The following GTF2A2 variants were observed in gnomAD, a reference collection of about 807,000 sequenced individuals.
GTF2A2 encodes general transcription factor IIA subunit 2, also known as transcription initiation factor IIA subunit 2.
Under a neutral mutation model 14.3 loss-of-function variants are expected in GTF2A2, and 9 were observed. The ratio of observed to expected loss-of-function variants is 0.63; its 90% CI spans 0.38 to 1.10. The LOEUF (loss-of-function observed/expected upper bound fraction) is 1.10, where lower values mean the gene tolerates loss of function less well. Ranked by LOEUF, GTF2A2 falls within the 50% of genes least tolerant of loss-of-function variation. The pLI is 0.01. For missense variants in GTF2A2, 90 were observed against 124.6 expected (o/e 0.72, Z 1.32); for synonymous variants, 56 against 46.0 (o/e 1.22, Z -0.88).
intron 3 of GTF2A2, among the ~76,000 whole-genome samples, chr15:59,642,538 G>T (rs993266733): frequency 6.6e-6 from 1 of 152,256 alleles, no homozygotes; most frequent in East Asian, 1.9e-4. Flanking sequence ...ACTTGCGTTT[G>T]TATTTCTATT....
chr15:59,648,002 G>A (rs971578160), intron 3 of GTF2A2, among the ~76,000 whole-genome samples: 5 of 152,090 alleles, frequency 3.3e-5, no homozygotes, highest in African/African-American at 1.2e-4. Flanking sequence ...GGGGGGTGTG[G>A]CATTAAATCT....
Position 59,639,113 on chromosome 15 carries a change from AAAG to A in GTF2A2, c.*16_*18del. 1 of 1,373,242 alleles carries A rather than the reference AAAG, an allele frequency of 7.3e-7. No individual in the cohort carries two copies. The highest frequency in any genetic ancestry group is 1.0e-6 in the Non-Finnish European group (1 of 963,430). 85.1% of individuals were successfully genotyped at this position (1,373,242 alleles called of 1,614,324 possible). A position where few individuals can be genotyped will look rare whatever the true frequency, so the allele number is the denominator to read the frequency against. On this transcript the variant is annotated 3_prime_UTR_variant, in exon 5 of 5. Transcript: ENST00000396060. ...AATGAATAACAGAAGATGGTGTAAA[AAAG>A]TCATATTTTTTCTATTCATTCTGTA... is the stretch of plus-strand genomic sequence containing the variant.
In GTF2A2 at chr15:59,652,260, G is replaced by A; in HGVS notation, c.18C>T (p.Tyr6=). MAYQL[Y]RNTTLGNSLQ... is the part of the protein sequence containing the mutation. ...GACTGTTTCCCAAAGTAGTATTTCT[G>A]TATAACTGATATGCCATGGCTTAGG... The change falls in exon 2 of 5, where the codon TAC becomes TAT. Residue 6 remains tyrosine (Y), a synonymous_variant. Transcript: ENST00000396060. 6.3e-7 allele frequency: 1 copy of A among 1,597,850 alleles called. No homozygotes were observed. The highest frequency in any genetic ancestry group is 1.3e-5 in the African/African-American group (1 of 74,626).
At chr15:59,641,828 G>C (rs561452143) in intron 4 of GTF2A2, among the ~76,000 whole-genome samples, 2 of 152,108 alleles carry the variant, frequency 1.3e-5, no homozygotes, top group South Asian at 4.1e-4. Flanking sequence ...TAAAGTAAAA[G>C]GTGTCTGAAA....
At chr15:59,645,111 G>T (rs1891558761) in intron 3 of GTF2A2, among the ~76,000 whole-genome samples, 1 of 152,122 alleles carries the variant, frequency 6.6e-6, no homozygotes, top group South Asian at 2.1e-4. Context: ...GGTGGGGTTG[G>T]GGGACAGAGA....
chr15:59,654,469 T>A (rs1891885907), intron 1 of GTF2A2, among the ~76,000 whole-genome samples: 1 of 152,150 alleles, frequency 6.6e-6, no homozygotes, highest in South Asian at 2.1e-4. Context: ...TAAGAAAGAA[T>A]TACCTTCCTT....
chr15:59,652,075 C>A (rs1835925317), intron 2 of GTF2A2, 131 bp downstream of exon 2: 3 of 599,784 alleles, frequency 5.0e-6, no homozygotes. Flanking sequence ...GTAATTTAAT[C>A]AGTGTTACTG....
At chr15:59,656,317 G>C (rs1476425728) in intron 1 of GTF2A2, among the ~76,000 whole-genome samples, 1 of 151,960 alleles carries the variant, frequency 6.6e-6, no homozygotes, top group Non-Finnish European at 1.5e-5. Context: ...ATTCCTTCAA[G>C]TCTTTGCTCA....
chr15:59,647,158 T>C (rs1714784523), intron 3 of GTF2A2, among the ~76,000 whole-genome samples: 1 of 152,172 alleles, frequency 6.6e-6, no homozygotes, highest in Non-Finnish European at 1.5e-5. Context: ...AATGGCATGA[T>C]CATGGCTCAC....
chr15:59,654,249 G>A (rs540018768), intron 1 of GTF2A2, among the ~76,000 whole-genome samples: 1 of 152,176 alleles, frequency 6.6e-6, no homozygotes, highest in South Asian at 2.1e-4. Context: ...CCCTATCTTC[G>A]CCCACTCACC....
chr15:59,640,954 A>T (rs1891399460), intron 4 of GTF2A2, among the ~76,000 whole-genome samples: 1 of 152,204 alleles, frequency 6.6e-6, no homozygotes, highest in South Asian at 2.1e-4. Context: ...TAACCTTCTG[A>T]ACTATAACAA....
At chr15:59,652,467 G>C in intron 1 of GTF2A2, 141 bp from the exon 2 acceptor site, 1 of 514,520 alleles carries the variant, frequency 1.9e-6, no homozygotes. Flanking sequence ...AATCATTTTA[G>C]AATTACAAGG....
At chr15:59,641,383 A>ATTTCC (rs1891421192) in intron 4 of GTF2A2, among the ~76,000 whole-genome samples, 3 of 152,130 alleles carry the variant, frequency 2.0e-5, no homozygotes, top group Non-Finnish European at 4.4e-5. Context: ...TTGGAAATGC[A>ATTTCC]AAATATATAA....
intron 4 of GTF2A2, among the ~76,000 whole-genome samples, chr15:59,639,874 C>T (rs1053762283): frequency 5.3e-5 from 8 of 152,116 alleles, no homozygotes; most frequent in East Asian, 3.9e-4. Context: ...CCTCAGCCTC[C>T]GCAGCAGCTG....
chr15:59,641,997 A>C (rs777499144), intron 4 of GTF2A2, 139 bp downstream of exon 4: 24 of 625,736 alleles, frequency 3.8e-5, no homozygotes, highest in East Asian at 3.5e-4. Flanking sequence ...AATTTAGTGG[A>C]GATAAAAGCC....
intron 3 of GTF2A2, among the ~76,000 whole-genome samples, chr15:59,645,484 A>T (rs535388950): frequency 6.6e-5 from 10 of 152,324 alleles, no homozygotes; most frequent in Admixed American, 3.3e-4. Context: ...ACAATCATCA[A>T]TAGCACTACA....
intron 3 of GTF2A2, among the ~76,000 whole-genome samples, chr15:59,647,524 A>G (rs1413111572): frequency 3.3e-5 from 5 of 152,158 alleles, no homozygotes; most frequent in African/African-American, 1.2e-4. Context: ...TGTATCTTCA[A>G]TGCACTTTTA....
intron 1 of GTF2A2, among the ~76,000 whole-genome samples, chr15:59,655,687 A>AT (rs1891922513): frequency 6.6e-6 from 1 of 152,152 alleles, no homozygotes; most frequent in African/African-American, 2.4e-5. Flanking sequence ...ACTGCTGATG[A>AT]TCCCCAAATT....
At chr15:59,640,733 G>C (rs116889653) in intron 4 of GTF2A2, among the ~76,000 whole-genome samples, 5 of 152,094 alleles carry the variant, frequency 3.3e-5, no homozygotes, top group Middle Eastern at 6.8e-3. Context: ...TATAACAAGG[G>C]TTACGAGGAT....
Sources: allele counts gnomAD v4.1 joint callset (sites outside exome capture counted in the v4.1 genomes callset), GRCh38; gene constraint gnomAD v4.1.1; transcripts MANE v1.5; gene names NCBI Gene and HGNC (gene_info 2026-07-23, HGNC 2026-07-21).